The following PPARGC1A variants were observed in gnomAD, a reference collection of about 807,000 sequenced individuals.
PPARGC1A encodes the protein PPARG coactivator 1 alpha, also known as peroxisome proliferator-activated receptor gamma coactivator 1-alpha.
Under a neutral mutation model 88.7 loss-of-function variants are expected in PPARGC1A, and 25 were observed. The ratio of observed to expected loss-of-function variants is 0.28; its 90% CI spans 0.21 to 0.39. PPARGC1A has a LOEUF of 0.39. Ranked by LOEUF, PPARGC1A falls within the 10% of genes least tolerant of loss-of-function variation. The probability of loss-of-function intolerance (pLI) is 1.00; values close to 1 mark genes in which losing one functional copy is unlikely to be tolerated. For synonymous variants in PPARGC1A, 363 were observed against 355.6 expected, an observed-to-expected ratio of 1.02 and a Z score of -0.24; for missense variants, 880 against 968.7, an observed-to-expected ratio of 0.91 and a Z score of 1.22.
In PPARGC1A at chr4:23,809,074, ATTACT is replaced by A. The variant is rs369950481; in HGVS notation, c.2019+3668_2019+3672del. On this transcript the variant is annotated intron_variant, in intron 10 of 12. Transcript: ENST00000264867. ...CTTAAATGTAATTTGCTTCTTACTC[ATTACT>A]TTAAGGTTGTTTCAAACATTGAAAG... is the stretch of plus-strand genomic sequence containing the variant. 3.5e-4 allele frequency among the ~76,000 whole-genome samples: 54 copies of A among 152,224 alleles called. 2 individuals are homozygous for A. The Middle Eastern group carries it at 0.031, about 86-fold the overall frequency.
chr4:23,931,024 G>T, the PPARGC1A span, among the ~76,000 whole-genome samples: 1 of 152,156 alleles, frequency 6.6e-6, no homozygotes. Flanking sequence ...GGCATTTTCC[G>T]TTGCTAGGGC....
the PPARGC1A span, among the ~76,000 whole-genome samples, chr4:24,215,439 G>C: frequency 6.6e-6 from 1 of 152,008 alleles, no homozygotes; most frequent in African/African-American, 2.4e-5. Flanking sequence ...TTTTCGGAGA[G>C]AGAAAAAAAA....
chr4:24,023,007 G>T, the PPARGC1A span, among the ~76,000 whole-genome samples: 1 of 152,014 alleles, frequency 6.6e-6, no homozygotes, highest in African/African-American at 2.4e-5. Context: ...AAATTTGAAG[G>T]CAACACTTAA....
the PPARGC1A span, among the ~76,000 whole-genome samples, chr4:24,146,567 G>T: frequency 6.6e-6 from 1 of 152,214 alleles, no homozygotes; most frequent in Non-Finnish European, 1.5e-5. Flanking sequence ...ATCCTAATAG[G>T]AGGCATATAT....
chr4:24,012,401 T>C, the PPARGC1A span, among the ~76,000 whole-genome samples: 1 of 152,114 alleles, frequency 6.6e-6, no homozygotes, highest in Non-Finnish European at 1.5e-5. Flanking sequence ...ATTTCTACTA[T>C]TCACTCTTAG....
the PPARGC1A span, among the ~76,000 whole-genome samples, chr4:24,464,460 C>G: frequency 6.6e-6 from 1 of 152,316 alleles, no homozygotes; most frequent in South Asian, 2.1e-4. Flanking sequence ...ACATTAGGGA[C>G]TAAACTGCTA....
the PPARGC1A span, among the ~76,000 whole-genome samples, chr4:24,108,409 A>G: frequency 2.6e-5 from 4 of 152,136 alleles, no homozygotes; most frequent in Non-Finnish European, 4.4e-5. Context: ...AATTTCCACA[A>G]TCCACTCTAG....
Position 23,820,092 on chromosome 4 carries a change from A to C in PPARGC1A, c.877+4188T>G, listed in dbSNP as rs142782990. Among the ~76,000 whole-genome samples, 80 of 152,332 alleles carry C rather than the reference A, an allele frequency of 5.3e-4. 1 individual carries two copies. The East Asian group carries it at 0.014, about 27-fold the overall frequency. ...AAAATTCAACATAAAAGTGGTAGTT[A>C]CAAATTGGTTAATGAGTATTTTGTT... On this transcript the variant is annotated intron_variant, in intron 7 of 12. Coordinates refer to ENST00000264867, the MANE Select transcript of PPARGC1A (RefSeq NM_013261.5).
At chr4:23,846,826 A>T (rs1226202396) in intron 2 of PPARGC1A, among the ~76,000 whole-genome samples, 2 of 152,232 alleles carry the variant, frequency 1.3e-5, no homozygotes, top group Non-Finnish European at 2.9e-5. Flanking sequence ...ATGAAAGGAA[A>T]AAGCAATAAG....
the PPARGC1A span, among the ~76,000 whole-genome samples, chr4:24,347,219 T>C: frequency 3.3e-5 from 5 of 152,178 alleles, no homozygotes; most frequent in Non-Finnish European, 7.4e-5. Context: ...CCATGTGCTG[T>C]TGAATAGAAT....
chr4:23,852,455 A>C (rs1332660354), intron 2 of PPARGC1A, among the ~76,000 whole-genome samples: 1 of 152,002 alleles, frequency 6.6e-6, no homozygotes, highest in Non-Finnish European at 1.5e-5. Flanking sequence ...TAGAATTTTC[A>C]TGGCAGTCTT....
At chr4:23,852,488 G>T (rs952020174) in intron 2 of PPARGC1A, among the ~76,000 whole-genome samples, 1 of 152,012 alleles carries the variant, frequency 6.6e-6, no homozygotes, top group African/African-American at 2.4e-5. Flanking sequence ...TCCCCATCAA[G>T]GCCACATCAC....
the PPARGC1A span, among the ~76,000 whole-genome samples, chr4:24,357,646 G>T: frequency 6.6e-6 from 1 of 152,140 alleles, no homozygotes; most frequent in African/African-American, 2.4e-5. Context: ...ATCTTGAATT[G>T]TAGCTCCCAT....
the PPARGC1A span, among the ~76,000 whole-genome samples, chr4:24,096,067 A>G: frequency 6.6e-6 from 1 of 152,208 alleles, no homozygotes; most frequent in Non-Finnish European, 1.5e-5. Flanking sequence ...AGGTGATTGG[A>G]TCATGGAGGT....
intron 1 of PPARGC1A, 108 bp from the exon 2 acceptor site, chr4:23,885,039 C>T (rs1716623909): frequency 1.1e-6 from 1 of 941,088 alleles, no homozygotes; most frequent in Non-Finnish European, 1.5e-6. Context: ...TTCAACTACA[C>T]TACCAAAGCT....
the PPARGC1A span, among the ~76,000 whole-genome samples, chr4:24,158,400 C>T: frequency 3.9e-5 from 6 of 152,194 alleles, no homozygotes; most frequent in African/African-American, 1.4e-4. Context: ...GTCTAGCTCA[C>T]TGTCCCAAGC....
chr4:23,975,032 G>A, the PPARGC1A span, among the ~76,000 whole-genome samples: 7,825 of 151,778 alleles, frequency 0.052, 285 homozygotes, highest in East Asian at 0.15. Context: ...CCATGGCTAC[G>A]GGCGCAGCAC....
the PPARGC1A span, among the ~76,000 whole-genome samples, chr4:24,157,188 C>G: frequency 6.6e-6 from 1 of 152,176 alleles, no homozygotes; most frequent in Non-Finnish European, 1.5e-5. Flanking sequence ...GGCAGATCCT[C>G]TGATCATCAT....
the PPARGC1A span, among the ~76,000 whole-genome samples, chr4:23,920,796 A>G: frequency 6.6e-6 from 1 of 152,196 alleles, no homozygotes; most frequent in African/African-American, 2.4e-5. Flanking sequence ...TTGCCCTGCT[A>G]CTGAAATGAC....
Sources: gnomAD v4.1 joint callset for allele counts (sites outside exome capture counted in the v4.1 genomes callset) on GRCh38, gnomAD v4.1.1 for gene constraint, MANE v1.5 for transcripts, NCBI Gene and HGNC (gene_info 2026-07-23, HGNC 2026-07-21) for gene names.